BICD1: variants seen among roughly 807,000 people sequenced by gnomAD.
BICD1 encodes the protein protein bicaudal D homolog 1.
Under a neutral mutation model 92.5 loss-of-function variants are expected in BICD1, and 35 were observed. The observed-to-expected ratio is 0.38, with a 90% CI of 0.29 to 0.50. The LOEUF (loss-of-function observed/expected upper bound fraction) is 0.50. Ranked by LOEUF, BICD1 falls within the 20% of genes least tolerant of loss-of-function variation. The probability of loss-of-function intolerance (pLI) is 0.93; values close to 1 mark genes in which losing one functional copy is unlikely to be tolerated. For missense variants in BICD1, 950 were observed against 1,189.8 expected (o/e 0.80, Z 2.97); for synonymous variants, 429 against 465.1 (o/e 0.92, Z 1.00).
At chr12:32,177,863 C>T (rs1017765607) in intron 1 of BICD1, among the ~76,000 whole-genome samples, 3 of 146,284 alleles carry the variant, frequency 2.1e-5, no homozygotes, top group African/African-American at 7.5e-5. Flanking sequence ...ATATTGGAAC[C>T]AGCATAAAGA....
intron 2 of BICD1, among the ~76,000 whole-genome samples, chr12:32,283,608 T>C (rs1947478651): frequency 6.6e-6 from 1 of 152,168 alleles, no homozygotes; most frequent in Admixed American, 6.5e-5. Context: ...TTGTAGATAA[T>C]GAGCAAATTG....
intron 1 of BICD1, among the ~76,000 whole-genome samples, chr12:32,175,968 A>G (rs766322892): frequency 6.6e-6 from 1 of 152,152 alleles, no homozygotes; most frequent in Non-Finnish European, 1.5e-5. Context: ...TTTCATATAA[A>G]TGAGATGGTA....
intron 2 of BICD1, among the ~76,000 whole-genome samples, chr12:32,293,664 G>A (rs1489839404): frequency 2.6e-5 from 4 of 151,976 alleles, no homozygotes; most frequent in African/African-American, 7.3e-5. Flanking sequence ...ATAATGTTCC[G>A]TTCAATGGAT....
At chr12:32,165,760 G>A (rs1163176727) in intron 1 of BICD1, among the ~76,000 whole-genome samples, 1 of 151,474 alleles carries the variant, frequency 6.6e-6, no homozygotes, top group Admixed American at 6.6e-5. Flanking sequence ...TTTAGGCAAC[G>A]AAACCTTGCC....
At position 32,208,385 on chromosome 12, in the gene BICD1, G is replaced by T. The variant is rs539408650; in HGVS notation, c.214-7862G>T. On this transcript the variant is annotated intron_variant, in intron 1 of 9. Transcript: ENST00000652176. ...TTAAGCCTCGTGGCAGTATGAGAAA[G>T]AAGCTATTATTATCCCCATTTTACA... Among the ~76,000 whole-genome samples the T allele has an allele frequency of 2.6e-5, 4 of 152,214 alleles. No individual in the cohort carries two copies. The South Asian group carries it at 8.3e-4, about 31-fold the overall frequency.
intron 1 of BICD1, among the ~76,000 whole-genome samples, chr12:32,187,122 G>A (rs781625931): frequency 1.4e-4 from 21 of 152,138 alleles, no homozygotes; most frequent in Non-Finnish European, 2.2e-4. Flanking sequence ...CTTTTCTTGT[G>A]AAGTATTAAA....
intron 1 of BICD1, among the ~76,000 whole-genome samples, chr12:32,165,650 C>CTA (rs1943738246): frequency 6.8e-6 from 1 of 146,542 alleles, no homozygotes; most frequent in South Asian, 2.2e-4. Flanking sequence ...CGCCACTGTA[C>CTA]TACAGTCTGG....
intron 4 of BICD1, among the ~76,000 whole-genome samples, chr12:32,321,607 A>G (rs1948658948): frequency 6.6e-6 from 1 of 152,208 alleles, no homozygotes; most frequent in Admixed American, 6.5e-5. Context: ...TCTTGGATAA[A>G]TTCTTTACAA....
At chr12:32,166,327 G>A (rs1200723610) in intron 1 of BICD1, among the ~76,000 whole-genome samples, 1 of 151,824 alleles carries the variant, frequency 6.6e-6, no homozygotes, top group African/African-American at 2.4e-5. Context: ...GTAAAGACGG[G>A]GTTTCACCAC....
intron 2 of BICD1, chr12:32,228,078 T>A (rs549294667): frequency 4.3e-4 from 104 of 239,638 alleles, no homozygotes; most frequent in African/African-American, 2.3e-3. Flanking sequence ...AAGTTCCACA[T>A]GGACGTAGGA....
At chr12:32,342,103 T>C (rs1195746903) in intron 8 of BICD1, among the ~76,000 whole-genome samples, 1 of 144,772 alleles carries the variant, frequency 6.9e-6, no homozygotes, top group East Asian at 2.0e-4. Flanking sequence ...ATGTTTTTGA[T>C]AAGCATTGTT....
chr12:32,116,780 AT>A (rs1302845657), intron 1 of BICD1, among the ~76,000 whole-genome samples: 2 of 150,574 alleles, frequency 1.3e-5, no homozygotes, highest in Non-Finnish European at 3.0e-5. Flanking sequence ...AGGTTTTGTT[AT>A]GTTGCTCAGG....
At chr12:32,367,494 AG>A in intron 8 of BICD1, 175 bp from the exon 9 acceptor site, 1 of 517,840 alleles carries the variant, frequency 1.9e-6, no homozygotes, top group Non-Finnish European at 3.4e-6. Context: ...AAAAAAAAAA[AG>A]CCTGTCTTTT....
chr12:32,321,422 A>G (rs1412024606), intron 4 of BICD1, among the ~76,000 whole-genome samples: 2 of 152,194 alleles, frequency 1.3e-5, no homozygotes, highest in African/African-American at 4.8e-5. Flanking sequence ...CATATGTTGT[A>G]TACTTACACT....
intron 8 of BICD1, among the ~76,000 whole-genome samples, chr12:32,365,337 C>A (rs1351177767): frequency 1.3e-5 from 2 of 152,116 alleles, no homozygotes; most frequent in Non-Finnish European, 1.5e-5. Flanking sequence ...GAATGTCTAC[C>A]ACCTCTCTAG....
intron 2 of BICD1, among the ~76,000 whole-genome samples, chr12:32,258,542 C>A (rs555653395): frequency 8.6e-5 from 13 of 152,042 alleles, no homozygotes; most frequent in African/African-American, 3.1e-4. Flanking sequence ...CCACTACCAC[C>A]AAGACGCAGA....
chr12:32,148,142 C>CA lies in BICD1; in HGVS notation c.213+40608dup, dbSNP rs10525262. On this transcript the variant is annotated intron_variant, in intron 1 of 9. Transcript: ENST00000652176. ...GGGTGACAGAGCGAGACTCCGTCTCCAAAAAAAAAAGAATCTGAGAAGCAG... is the reference window on the plus strand; with the variant it reads ...GGGTGACAGAGCGAGACTCCGTCTCCAAAAAAAAAAAGAATCTGAGAAGCAG... 1.3e-3 allele frequency among the ~76,000 whole-genome samples: 78 copies of CA among 60,590 alleles called. 3 individuals carry two copies. Among genetic ancestry groups the CA allele is most frequent in the African/African-American group, 2.6e-3 (40 of 15,618 alleles). The allele number at this position is 60,590 out of a possible 152,430, so 39.7% of individuals were successfully genotyped here.
chr12:32,128,760 A>C (rs1942432001), intron 1 of BICD1, among the ~76,000 whole-genome samples: 1 of 152,044 alleles, frequency 6.6e-6, no homozygotes, highest in South Asian at 2.1e-4. Context: ...GAATCTTTTA[A>C]AACTTCTTTT....
intron 4 of BICD1, among the ~76,000 whole-genome samples, chr12:32,317,057 T>C (rs1176603763): frequency 6.6e-6 from 1 of 152,248 alleles, no homozygotes; most frequent in Admixed American, 6.5e-5. Flanking sequence ...TATGGCTGCA[T>C]AGTATTCCAT....
Sources: allele counts gnomAD v4.1 joint callset (sites outside exome capture counted in the v4.1 genomes callset), GRCh38; gene constraint gnomAD v4.1.1; transcripts MANE v1.5; gene names NCBI Gene and HGNC (gene_info 2026-07-23, HGNC 2026-07-21).